The following TMEM266 variants were observed in gnomAD, a reference collection of about 807,000 sequenced individuals.
TMEM266 encodes the protein transmembrane protein 266.
Under a neutral mutation model 50.5 loss-of-function variants are expected in TMEM266, and 33 were observed. The observed-to-expected ratio is 0.65, with a 90% CI of 0.50 to 0.87. The LOEUF is 0.87. Ranked by LOEUF, TMEM266 falls within the 40% of genes least tolerant of loss-of-function variation. The pLI, the probability that TMEM266 is intolerant of heterozygous loss-of-function variation, is 0.00. For synonymous variants in TMEM266, 310 were observed against 292.3 expected, an observed-to-expected ratio of 1.06 and a Z score of -0.62; for missense variants, 655 against 695.1, an observed-to-expected ratio of 0.94 and a Z score of 0.65.
intron 9 of TMEM266, among the ~76,000 whole-genome samples, chr15:76,192,971 T>TG (rs2038604316): frequency 6.6e-6 from 1 of 152,224 alleles, no homozygotes; most frequent in African/African-American, 2.4e-5. Context: ...CAGGAGCCAC[T>TG]CTGCCTTGGC....
chr15:76,084,245 T>G (rs2036738596), intron 1 of TMEM266, among the ~76,000 whole-genome samples: 1 of 151,998 alleles, frequency 6.6e-6, no homozygotes, highest in Non-Finnish European at 1.5e-5. Context: ...GTCCAGAAGT[T>G]AGAGGCTACA....
chr15:76,167,877 C>T (rs1417061449), intron 5 of TMEM266, among the ~76,000 whole-genome samples: 1 of 152,184 alleles, frequency 6.6e-6, no homozygotes, highest in African/African-American at 2.4e-5. Context: ...ACCTTCATTC[C>T]TGATGGTTGT....
At chr15:76,070,198 T>C (rs1459763414) in intron 1 of TMEM266, among the ~76,000 whole-genome samples, 2 of 152,192 alleles carry the variant, frequency 1.3e-5, no homozygotes, top group Admixed American at 6.5e-5. Flanking sequence ...GAGGTTCTAT[T>C]TAGCATTCTG....
chr15:76,114,857 C>G (rs1328666067), intron 1 of TMEM266, among the ~76,000 whole-genome samples: 1 of 152,214 alleles, frequency 6.6e-6, no homozygotes, highest in East Asian at 1.9e-4. Context: ...AACCACTAAT[C>G]TGCTTTTTTA....
At position 76,178,270 on chromosome 15, in the gene TMEM266, A is replaced by T. The variant is rs891942479; in HGVS notation, c.768+2596A>T. 3.9e-5 allele frequency among the ~76,000 whole-genome samples: 6 copies of T among 152,212 alleles called. No individual in the cohort carries two copies. In the South Asian group the frequency reaches 1.2e-3, roughly 32 times the overall value. ...GAGAGGGCAGGGTGGAGACAGGAAG[A>T]CTGGGGACAGAGGCTGGAGAAGAAG... On this transcript the variant is annotated intron_variant, in intron 8 of 10. Transcript: ENST00000388942.
chr15:76,184,265 G>A (rs1456654928), intron 8 of TMEM266, among the ~76,000 whole-genome samples: 1 of 152,162 alleles, frequency 6.6e-6, no homozygotes, highest in Non-Finnish European at 1.5e-5. Context: ...TTTTTAAGAT[G>A]GGAAGTGATT....
chr15:76,154,117 T>G (rs1276112971), intron 3 of TMEM266, among the ~76,000 whole-genome samples: 1 of 152,192 alleles, frequency 6.6e-6, no homozygotes, highest in Admixed American at 6.5e-5. Context: ...ACCCCTTGGC[T>G]CTTGAGTTTA....
rs552116794 is a variant in TMEM266 at position 76,085,567 on chromosome 15, G to A, written c.-97+25551G>A. Reference sequence around the variant, plus strand: ...AAGCCACCGTACCTGGCCCAGATTTGCATTTTCAAAAGACCTCTTTAGGCA... The same window carrying A: ...AAGCCACCGTACCTGGCCCAGATTTACATTTTCAAAAGACCTCTTTAGGCA... On this transcript the variant is annotated intron_variant, in intron 1 of 10. Coordinates refer to ENST00000388942, the MANE Select transcript of TMEM266 (RefSeq NM_152335.3). Among the ~76,000 whole-genome samples the A allele has an allele frequency of 3.4e-3, 512 of 152,186 alleles. 2 individuals are homozygous for A. Among genetic ancestry groups the A allele is most frequent in the Middle Eastern group, 0.014 (4 of 294 alleles).
At chr15:76,125,056 T>C (rs2037399475) in intron 1 of TMEM266, among the ~76,000 whole-genome samples, 1 of 152,110 alleles carries the variant, frequency 6.6e-6, no homozygotes, top group Admixed American at 6.5e-5. Context: ...GGTCAACTAA[T>C]TGGACAAAAG....
At chr15:76,130,021 C>T (rs1432941245) in intron 1 of TMEM266, among the ~76,000 whole-genome samples, 3 of 149,702 alleles carry the variant, frequency 2.0e-5, no homozygotes, top group African/African-American at 7.4e-5. Context: ...CCTAGGAGTT[C>T]GAGACCAGCC....
chr15:76,134,764 T>G (rs1301774464), intron 2 of TMEM266, among the ~76,000 whole-genome samples: 1 of 152,230 alleles, frequency 6.6e-6, no homozygotes, highest in African/African-American at 2.4e-5. Flanking sequence ...TGCTCTGTCA[T>G]CTGGAGTATG....
chr15:76,158,742 TGGAGTCACACG>T (rs2037965334), intron 4 of TMEM266, among the ~76,000 whole-genome samples: 1 of 152,240 alleles, frequency 6.6e-6, no homozygotes, highest in Admixed American at 6.5e-5. Flanking sequence ...GAGGTCTTCT[TGGAGTCACACG>T]GGCCTCAGCC....
At chr15:76,110,435 A>AT (rs1449601514) in intron 1 of TMEM266, among the ~76,000 whole-genome samples, 3 of 152,056 alleles carry the variant, frequency 2.0e-5, no homozygotes, top group African/African-American at 4.8e-5. Context: ...CTTTTTTGTG[A>AT]TTTTTTTCTT....
At chr15:76,179,046 T>C (rs922347459) in intron 8 of TMEM266, among the ~76,000 whole-genome samples, 3 of 152,120 alleles carry the variant, frequency 2.0e-5, no homozygotes, top group African/African-American at 7.2e-5. Context: ...GGGTAACAGA[T>C]ACCCTGGAGG....
intron 3 of TMEM266, among the ~76,000 whole-genome samples, chr15:76,140,407 G>A (rs926730542): frequency 6.6e-6 from 1 of 152,220 alleles, no homozygotes; most frequent in South Asian, 2.1e-4. Context: ...CCTTTCTGGG[G>A]CAATGGAAAA....
At chr15:76,140,493 A>T (rs2037660457) in intron 3 of TMEM266, among the ~76,000 whole-genome samples, 2 of 152,186 alleles carry the variant, frequency 1.3e-5, no homozygotes, top group Non-Finnish European at 1.5e-5. Context: ...TACGAAGGCC[A>T]GTGTTATGTA....
At chr15:76,170,463 G>A (rs1050577170) in intron 6 of TMEM266, among the ~76,000 whole-genome samples, 2 of 152,250 alleles carry the variant, frequency 1.3e-5, no homozygotes, top group Admixed American at 6.5e-5. Context: ...CTCAGAACAC[G>A]GCCAGGCTGG....
intron 1 of TMEM266, among the ~76,000 whole-genome samples, chr15:76,064,572 C>T (rs555595950): frequency 6.6e-6 from 1 of 152,338 alleles, no homozygotes; most frequent in African/African-American, 2.4e-5. Flanking sequence ...AAGGCCTCCT[C>T]TCCTCCTCCC....
At position 76,160,301 on chromosome 15, in the gene TMEM266, A is replaced by T; in HGVS notation, c.456+133A>T. 1.1e-6 allele frequency: 1 copy of T among 914,358 alleles called. No individual in the cohort carries two copies. The highest frequency in any genetic ancestry group is 2.4e-5 in the East Asian group (1 of 41,374). 56.6% of individuals were successfully genotyped at this position (914,358 alleles called of 1,614,324 possible). ...CCCTTGAGGCTGCTGGGAGGGAGAC[A>T]CAATATAGATAGATGATCTCTGCGG... is the stretch of plus-strand genomic sequence containing the variant. On this transcript the variant is annotated intron_variant, in intron 5 of 10. Transcript: ENST00000388942. The surrounding 1 kb of genome is among the most constrained non-coding windows in gnomAD (Gnocchi z 5.7).
Sources: allele counts gnomAD v4.1 joint callset (sites outside exome capture counted in the v4.1 genomes callset), GRCh38; gene constraint gnomAD v4.1.1; non-coding constraint Gnocchi (gnomAD v3.1); transcripts MANE v1.5; gene names NCBI Gene and HGNC (gene_info 2026-07-23, HGNC 2026-07-21).